Variants in FAM3C observed in about 807,000 individuals in gnomAD.
FAM3C encodes protein FAM3C.
A neutral mutation model predicts 32.5 loss-of-function variants in FAM3C; 15 were observed. The observed-to-expected ratio is 0.46, with a 90% confidence interval of 0.31 to 0.71. The LOEUF (loss-of-function observed/expected upper bound fraction) is 0.71. Ranked by LOEUF, FAM3C falls within the 30% of genes least tolerant of loss-of-function variation. The pLI, the probability that FAM3C is intolerant of heterozygous loss-of-function variation, is 0.05. For synonymous variants in FAM3C, 75 were observed against 86.1 expected (o/e 0.87, Z 0.72); for missense variants, 175 against 274.4 (o/e 0.64, Z 2.56).
intron 7 of FAM3C, among the ~76,000 whole-genome samples, chr7:121,362,439 T>C (rs1471188837): frequency 6.6e-6 from 1 of 152,208 alleles, no homozygotes; most frequent in East Asian, 1.9e-4. Context: ...ATAGTTTATC[T>C]TGTCTTTCTA....
At position 121,372,131 on chromosome 7, in the gene FAM3C, C is replaced by A. The variant is rs753336315; in HGVS notation, c.127G>T (p.Ala43Ser). ...ASLGNLFARS[A>S]LDTAARSTKP... Reference sequence around the variant, plus strand: ...TTACAACGTGCAGCTGTGTCCAATGCTGATCTTGCTGAAAAAAAAAAATTA... The same window carrying A: ...TTACAACGTGCAGCTGTGTCCAATGATGATCTTGCTGAAAAAAAAAAATTA... The change falls in exon 4 of 10, where the codon GCA becomes TCA. Residue 43 changes from alanine (A) to serine (S), a missense_variant. Transcript: ENST00000359943. 3.7e-6 allele frequency: 6 copies of A among 1,605,594 alleles called. No individual in the cohort carries two copies. Among genetic ancestry groups the A allele is most frequent in the Non-Finnish European group, 4.3e-6 (5 of 1,174,646 alleles).
At chr7:121,379,199 T>C (rs73440256) in intron 2 of FAM3C, among the ~76,000 whole-genome samples, 185 bp from the exon 3 acceptor site, 2,219 of 152,284 alleles carry the variant, frequency 0.015, 47 homozygotes, top group African/African-American at 0.049. Flanking sequence ...AGAATTTTCC[T>C]GATCAAAGAA....
intron 8 of FAM3C, among the ~76,000 whole-genome samples, chr7:121,359,002 G>A (rs1793870666): frequency 6.6e-6 from 1 of 151,504 alleles, no homozygotes; most frequent in Admixed American, 6.6e-5. Context: ...AACCACTTGT[G>A]AAAAAAATCC....
In FAM3C at chr7:121,385,916, C is replaced by G. The variant is rs1424817254; in HGVS notation, c.-41-2906G>C. On this transcript the variant is annotated intron_variant, in intron 1 of 9. Transcript: ENST00000359943. ...ATTAAAACAGCAGCATATATGAGATCAGGGGATTTCTCTAGGGTCACATGA... is the reference window on the plus strand; with the variant it reads ...ATTAAAACAGCAGCATATATGAGATGAGGGGATTTCTCTAGGGTCACATGA... Among the ~76,000 whole-genome samples the G allele has an allele frequency of 3.9e-5, 6 of 152,234 alleles. No homozygotes were observed. In the East Asian group the frequency reaches 9.6e-4, roughly 24 times the overall value.
chr7:121,365,628 A>G (rs1794008943), intron 5 of FAM3C, among the ~76,000 whole-genome samples: 1 of 152,100 alleles, frequency 6.6e-6, no homozygotes, highest in Admixed American at 6.5e-5. Context: ...TGAGAAAATG[A>G]AAACAAATAA....
In FAM3C at chr7:121,394,987, G is replaced by A. The variant is rs144485025; in HGVS notation, c.-42+1175C>T. 8.1e-3 allele frequency among the ~76,000 whole-genome samples: 1,231 copies of A among 152,258 alleles called. 15 individuals are homozygous for A. The highest frequency in any genetic ancestry group is 0.01 in the Non-Finnish European group (691 of 68,018). On this transcript the variant is annotated intron_variant, in intron 1 of 9. Coordinates refer to ENST00000359943, the MANE Select transcript of FAM3C (RefSeq NM_014888.3). ...ACAAGTCCAAGGGGTCGGGGCCTCTGCTATCAGCATTGACCTTTACTCTCG... is the reference window on the plus strand; with the variant it reads ...ACAAGTCCAAGGGGTCGGGGCCTCTACTATCAGCATTGACCTTTACTCTCG...
At chr7:121,391,925 A>G (rs1252571757) in intron 1 of FAM3C, among the ~76,000 whole-genome samples, 1 of 152,212 alleles carries the variant, frequency 6.6e-6, no homozygotes, top group Non-Finnish European at 1.5e-5. Flanking sequence ...TGCCTATGCT[A>G]AAGAAAAAGA....
At chr7:121,394,511 C>T (rs1794645006) in intron 1 of FAM3C, among the ~76,000 whole-genome samples, 1 of 152,170 alleles carries the variant, frequency 6.6e-6, no homozygotes, top group Admixed American at 6.5e-5. Flanking sequence ...AGGAACCTGT[C>T]CTGTGTCCCT....
intron 8 of FAM3C, 48 bp from the exon 9 acceptor site, chr7:121,351,317 T>C (rs756512268): frequency 1.3e-6 from 2 of 1,531,086 alleles, no homozygotes; most frequent in African/African-American, 2.7e-5. Flanking sequence ...GGGAACTGTA[T>C]GCTAATACTG....
chr7:121,361,007 T>C (rs764423207), intron 7 of FAM3C, among the ~76,000 whole-genome samples: 22 of 152,210 alleles, frequency 1.4e-4, no homozygotes, highest in Non-Finnish European at 3.2e-4. Flanking sequence ...TTTAGGTATA[T>C]CATTTGCTAT....
intron 5 of FAM3C, among the ~76,000 whole-genome samples, chr7:121,365,163 G>A (rs923765243): frequency 3.3e-5 from 5 of 152,096 alleles, no homozygotes; most frequent in Non-Finnish European, 5.9e-5. Flanking sequence ...AATCTCAGTC[G>A]ATTCTCACAG....
intron 8 of FAM3C, among the ~76,000 whole-genome samples, chr7:121,357,318 C>T (rs1269111728): frequency 2.6e-5 from 4 of 152,076 alleles, no homozygotes; most frequent in East Asian, 1.9e-4. Flanking sequence ...ATTCAGTGTA[C>T]GCACTTAACT....
chr7:121,351,953 T>A (rs1000873360), intron 8 of FAM3C, among the ~76,000 whole-genome samples: 58 of 152,266 alleles, frequency 3.8e-4, no homozygotes, highest in African/African-American at 1.4e-3. Context: ...TGGTCAATGA[T>A]TTTCTCTCCT....
intron 2 of FAM3C, among the ~76,000 whole-genome samples, chr7:121,379,259 T>C (rs747688137): frequency 7.9e-5 from 12 of 152,088 alleles, no homozygotes; most frequent in Non-Finnish European, 1.6e-4. Context: ...ATCTGCCTAG[T>C]TTTATATGCA....
intron 2 of FAM3C, chr7:121,380,262 G>A (rs1176737031): frequency 6.6e-6 from 1 of 152,040 alleles, no homozygotes; most frequent in African/African-American, 2.4e-5. Context: ...ACTTTTCCCT[G>A]TCCTGTAAAA....
In FAM3C at chr7:121,389,762, C is replaced by CAA. The variant is rs111461752; in HGVS notation, c.-42+6398_-42+6399dup. Among the ~76,000 whole-genome samples the CAA allele has an allele frequency of 7.9e-5, 10 of 126,812 alleles. No homozygotes were observed. In the South Asian group the frequency reaches 9.7e-4, roughly 12 times the overall value. The allele number at this position is 126,812 out of a possible 152,430, so 83.2% of individuals were successfully genotyped here. On this transcript the variant is annotated intron_variant, in intron 1 of 9. Transcript: ENST00000359943. Reference sequence around the variant, plus strand: ...TGTGGACTCTCTAACAGGAAAGTGGCAAAAAAAAAAAAAGGTAGACATCAA... The same window carrying CAA: ...TGTGGACTCTCTAACAGGAAAGTGGCAAAAAAAAAAAAAAAGGTAGACATCAA...
At chr7:121,374,625 AAGATAGTCTG>A (rs1794207233) in intron 3 of FAM3C, among the ~76,000 whole-genome samples, 2 of 152,364 alleles carry the variant, frequency 1.3e-5, no homozygotes, top group South Asian at 4.1e-4. Flanking sequence ...CATCTTCGTT[AAGATAGTCTG>A]AAATGAGAAT....
At chr7:121,385,259 GA>G (rs962362015) in intron 1 of FAM3C, among the ~76,000 whole-genome samples, 1 of 151,688 alleles carries the variant, frequency 6.6e-6, no homozygotes, top group Non-Finnish European at 1.5e-5. Flanking sequence ...TTTTAGGATG[GA>G]AAAAAAACCC....
intron 3 of FAM3C, among the ~76,000 whole-genome samples, chr7:121,378,525 C>A (rs917727): frequency 6.6e-6 from 1 of 151,828 alleles, no homozygotes. Context: ...AATGCATTAC[C>A]GTGACTCCTA....
Sources: gnomAD v4.1 joint callset for allele counts (sites outside exome capture counted in the v4.1 genomes callset) on GRCh38, gnomAD v4.1.1 for gene constraint, MANE v1.5 for transcripts, NCBI Gene and HGNC (gene_info 2026-07-23, HGNC 2026-07-21) for gene names.